The following ABCA4 variants were observed in gnomAD, a reference collection of about 807,000 sequenced individuals.
ABCA4 encodes ATP binding cassette subfamily A member 4.
Under a neutral mutation model 263.7 loss-of-function variants are expected in ABCA4, and 196 were observed. The observed-to-expected ratio is 0.74, with a 90% CI of 0.66 to 0.84. The LOEUF (loss-of-function observed/expected upper bound fraction) is 0.84, where lower values mean the gene tolerates loss of function less well. Ranked by LOEUF, ABCA4 falls within the 40% of genes least tolerant of loss-of-function variation. ABCA4 has a pLI of 0.00. For synonymous variants in ABCA4, 1,133 were observed against 1,094.2 expected (o/e 1.04, Z -0.70); for missense variants, 2,792 against 2,855.1 (o/e 0.98, Z 0.50).
rs1170542793 is a variant in ABCA4, at chr1:94,037,375, C to A, written c.3608-25G>T. The stretch of plus-strand genomic sequence containing the variant: ...CCTAGGACAAGAAAAAAGACTGATG[C>A]CAGCTCTGTTTTCCAGAAACTGGAA... On this transcript the variant is annotated intron_variant, in intron 24 of 49. Coordinates refer to ENST00000370225, the MANE Select transcript of ABCA4 (RefSeq NM_000350.3). 4.4e-6 allele frequency: 7 copies of A among 1,605,798 alleles called. No homozygotes were observed. The African/African-American group carries it at 6.7e-5, about 15-fold the overall frequency.
chr1:94,099,510 C>T (rs138316577), intron 5 of ABCA4, among the ~76,000 whole-genome samples: 5 of 152,270 alleles, frequency 3.3e-5, no homozygotes, highest in South Asian at 4.1e-4. Flanking sequence ...ATCCCCATAC[C>T]TCATCTTATC....
chr1:93,996,135 C>T lies in ABCA4; in HGVS notation c.6790G>A (p.Ala2264Thr). The change falls in exon 49 of 50, where the codon GCT (alanine) becomes ACT (threonine). Residue 2264 changes from alanine to threonine, a missense_variant. By Grantham distance (58) the Ala-to-Thr change is moderately conservative. Coordinates refer to ENST00000370225, the MANE Select transcript of ABCA4 (RefSeq NM_000350.3). Reference protein sequence around the residue: ...ESHDLPLHPRAAGASRQAQD With the variant: ...ESHDLPLHPRTAGASRQAQD Reference sequence around the variant, plus strand: ...TGGGCTTGTCGACTGGCTCCAGCAGCTCGAGGGTGCAGAGGGAGGTCATGA... The same window carrying T: ...TGGGCTTGTCGACTGGCTCCAGCAGTTCGAGGGTGCAGAGGGAGGTCATGA... The T allele has an allele frequency of 6.2e-7, 1 of 1,614,018 alleles. No individual in the cohort carries two copies. Among genetic ancestry groups the T allele is most frequent in the Non-Finnish European group, 8.5e-7 (1 of 1,180,026 alleles).
In ABCA4 at chr1:94,105,932, G is replaced by C. The variant is rs566669167; in HGVS notation, c.442+2645C>G. On this transcript the variant is annotated intron_variant, in intron 4 of 49. Coordinates refer to ENST00000370225, the MANE Select transcript of ABCA4 (RefSeq NM_000350.3). ...CCCACCCGCTCGCTTTCAAAGGTGG[G>C]CTCTTCTGCCACATTGGCCTGAGGA... 9.2e-5 allele frequency among the ~76,000 whole-genome samples: 14 copies of C among 152,340 alleles called. No homozygotes were observed. The East Asian group carries it at 2.7e-3, about 29-fold the overall frequency.
intron 38 of ABCA4, among the ~76,000 whole-genome samples, 168 bp downstream of exon 38, chr1:94,014,375 G>GAGGAAGGA (rs372109426): frequency 7.3e-6 from 1 of 136,398 alleles, no homozygotes; most frequent in Non-Finnish European, 1.5e-5. Context: ...GGAAGGATGG[G>GAGGAAGGA]AGGAAGGAAG....
In ABCA4 at chr1:94,037,288, A is replaced by C. The variant is rs762213896; in HGVS notation, c.3670T>G (p.Cys1224Gly). ...HHVPEAKLVE[C>G]IGQELIFLLP... ...AGGAAGATAAGTTCTTGACCAATGC[A>C]CTCCACCAGCTTTGCCTCTGGAACA... The change falls in exon 25 of 50, where the codon TGC becomes GGC. Residue 1224 changes from cysteine to glycine, a missense_variant. Coordinates refer to ENST00000370225, the MANE Select transcript of ABCA4 (RefSeq NM_000350.3). 21 of 1,613,860 alleles carry C rather than the reference A, an allele frequency of 1.3e-5. No individual in the cohort carries two copies. Among genetic ancestry groups the C allele is most frequent in the Middle Eastern group, 1.6e-4 (1 of 6,084 alleles).
Position 94,023,384 on chromosome 1 carries a change from A to G in ABCA4, c.4667+2T>C, listed in dbSNP as rs61752436. ...TTAATTCTGATAAAAATAGTTTCTTACCTCTGTTCATTGACCCAGAATTTG... is the reference window on the plus strand; with the variant it reads ...TTAATTCTGATAAAAATAGTTTCTTGCCTCTGTTCATTGACCCAGAATTTG... On this transcript the variant is annotated splice_donor_variant, in intron 32 of 49. Coordinates refer to ENST00000370225, the MANE Select transcript of ABCA4 (RefSeq NM_000350.3). LOFTEE classifies it high-confidence loss of function. 1.9e-6 allele frequency: 3 copies of G among 1,604,416 alleles called. No homozygotes were observed. Among genetic ancestry groups the G allele is most frequent in the Non-Finnish European group, 1.7e-6 (2 of 1,171,526 alleles).
intron 6 of ABCA4, among the ~76,000 whole-genome samples, chr1:94,087,928 A>G (rs1267908258): frequency 6.6e-6 from 1 of 152,188 alleles, no homozygotes; most frequent in African/African-American, 2.4e-5. Context: ...CACTGTCGTC[A>G]TGCTGTGTAT....
rs991168491 is a variant in ABCA4 at position 94,021,563 on chromosome 1, A to G, written c.4848+77T>C. On this transcript the variant is annotated intron_variant, in intron 34 of 49. Coordinates refer to ENST00000370225, the MANE Select transcript of ABCA4 (RefSeq NM_000350.3). ...CAGGAGGAGGGATGGAATTTAATGA[A>G]GGTAGGAAAGTAAAAATAAAATAAC... 4.0e-6 allele frequency: 6 copies of G among 1,507,224 alleles called. No individual in the cohort carries two copies. In the Admixed American group the frequency reaches 1.1e-4, roughly 27 times the overall value. The allele number at this position is 1,507,224 out of a possible 1,614,324, so 93.4% of individuals were successfully genotyped here.
chr1:94,031,144 A>T (rs777336108), intron 27 of ABCA4, 24 bp from the exon 28 acceptor site: 16 of 1,613,630 alleles, frequency 9.9e-6, no homozygotes, highest in Non-Finnish European at 1.4e-5. Context: ...GACGTGGAAT[A>T]AACATGACTG....
intron 25 of ABCA4, 116 bp from the exon 26 acceptor site, chr1:94,036,904 ACT>A (rs1194450817): frequency 9.6e-7 from 1 of 1,045,474 alleles, no homozygotes; most frequent in African/African-American, 1.6e-5. Flanking sequence ...ATCCATTACG[ACT>A]CTATCTGAGA....
At chr1:94,046,771 T>C (rs1225366863) in intron 19 of ABCA4, 148 bp downstream of exon 19, 3 of 921,756 alleles carry the variant, frequency 3.3e-6, no homozygotes, top group Admixed American at 2.2e-5. Context: ...GATCTTTGAA[T>C]ACTGCAGAAA....
intron 47 of ABCA4, among the ~76,000 whole-genome samples, chr1:93,998,678 G>C (rs1336533678): frequency 6.7e-6 from 1 of 148,854 alleles, no homozygotes; most frequent in Non-Finnish European, 1.5e-5. Context: ...AATCGTACTT[G>C]CTGAAGTCAA....
intron 6 of ABCA4, among the ~76,000 whole-genome samples, chr1:94,097,864 C>T (rs1170112030): frequency 6.6e-6 from 1 of 152,236 alleles, no homozygotes; most frequent in African/African-American, 2.4e-5. Flanking sequence ...ATTCTCCGGC[C>T]TCAGCCTCCT....
At chr1:94,110,237 G>T (rs1307175927) in intron 3 of ABCA4, among the ~76,000 whole-genome samples, 1 of 152,190 alleles carries the variant, frequency 6.6e-6, no homozygotes, top group African/African-American at 2.4e-5. Flanking sequence ...TAATCCAGGG[G>T]TCAGCAAACA....
In ABCA4 at chr1:94,112,926, G is replaced by A. The variant is rs938151448; in HGVS notation, c.160+47C>T. On this transcript the variant is annotated intron_variant, in intron 2 of 49. Transcript: ENST00000370225. Reference sequence around the variant, plus strand: ...AAGATCTTTCTAGACAAAAGGCCCAGACCAAAGTCTCTTCAGGGCTTGCCC... The same window carrying A: ...AAGATCTTTCTAGACAAAAGGCCCAAACCAAAGTCTCTTCAGGGCTTGCCC... The A allele has an allele frequency of 4.0e-6, 6 of 1,488,540 alleles. No homozygotes were observed. In the African/African-American group the frequency reaches 8.3e-5, roughly 21 times the overall value. 92.2% of individuals were successfully genotyped at this position (1,488,540 alleles called of 1,614,324 possible).
chr1:94,008,827 T>A lies in ABCA4; in HGVS notation c.5759A>T (p.Asp1920Val), dbSNP rs985680910. 2 of 1,613,588 alleles carry A rather than the reference T, an allele frequency of 1.2e-6. No individual in the cohort carries two copies. Among genetic ancestry groups the A allele is most frequent in the African/African-American group, 1.3e-5 (1 of 74,746 alleles). The change falls in exon 41 of 50, where the codon GAT becomes GTT. Residue 1920 changes from aspartate (D) to valine (V), a missense_variant. Coordinates refer to ENST00000370225, the MANE Select transcript of ABCA4 (RefSeq NM_000350.3). ...TKEPIVDEDD[D>V]VAEERQRIIT... is the part of the protein sequence containing the mutation. Reference sequence around the variant, plus strand: ...AATTCTTTGTCTTTCTTCAGCCACATCATCATCTTCATCAACAATGGGCTC... The same window carrying A: ...AATTCTTTGTCTTTCTTCAGCCACAACATCATCTTCATCAACAATGGGCTC...
At chr1:94,014,377 G>A (rs796686477) in intron 38 of ABCA4, among the ~76,000 whole-genome samples, 166 bp downstream of exon 38, 10 of 147,136 alleles carry the variant, frequency 6.8e-5, no homozygotes, top group African/African-American at 2.6e-4. Flanking sequence ...AAGGATGGGA[G>A]GAAGGAAGGA....
chr1:94,118,225 A>C (rs1662855175), intron 1 of ABCA4, among the ~76,000 whole-genome samples: 1 of 152,174 alleles, frequency 6.6e-6, no homozygotes, highest in Admixed American at 6.5e-5. Flanking sequence ...GAGGTGATGC[A>C]CTTAGTACAG....
intron 30 of ABCA4, among the ~76,000 whole-genome samples, chr1:94,026,113 C>T (rs1053100055): frequency 2.6e-5 from 4 of 152,206 alleles, no homozygotes; most frequent in African/African-American, 9.6e-5. Context: ...TAAAAGCATT[C>T]ACTCTGTCAA....
Sources: gnomAD v4.1 joint callset for allele counts (sites outside exome capture counted in the v4.1 genomes callset) on GRCh38, gnomAD v4.1.1 for gene constraint, MANE v1.5 for transcripts, NCBI Gene and HGNC (gene_info 2026-07-23, HGNC 2026-07-21) for gene names.